The following SOX5 variants were observed in gnomAD, a reference collection of about 807,000 sequenced individuals.
SOX5 encodes the protein SRY-box transcription factor 5.
SOX5 carries 9 observed loss-of-function variants against 92.0 expected under a neutral mutation model. That is an observed-to-expected ratio of 0.10 (90% CI 0.06 to 0.17). The LOEUF is 0.17. Among genes scored for constraint, SOX5 ranks in the 10% least tolerant of loss-of-function variants. SOX5 has a pLI of 1.00. For missense variants in SOX5, 642 were observed against 944.5 expected, an observed-to-expected ratio of 0.68 and a Z score of 4.20; for synonymous variants, 344 against 336.3, an observed-to-expected ratio of 1.02 and a Z score of -0.25.
rs1171785944 is a variant in SOX5, at chr12:24,305,938, T to A, written c.-173-28626A>T. On this transcript the variant is annotated intron_variant, in intron 2 of 4. Coordinates refer to the SOX5 transcript ENST00000446891. The stretch of plus-strand genomic sequence containing the variant: ...AAGATCTCCACCTCAGAATCCACAC[T>A]TATTTTAAAAAGCAAATCAAGACCA... 2.0e-5 allele frequency among the ~76,000 whole-genome samples: 3 copies of A among 152,194 alleles called. No individual in the cohort carries two copies. In the East Asian group the frequency reaches 5.8e-4, roughly 29 times the overall value.
chr12:23,817,290 T>G (rs1315316369), intron 3 of SOX5, among the ~76,000 whole-genome samples: 1 of 152,224 alleles, frequency 6.6e-6, no homozygotes, highest in African/African-American at 2.4e-5. Flanking sequence ...TTTCCAAGCA[T>G]CTTTCTGCTG....
intron 4 of SOX5, among the ~76,000 whole-genome samples, chr12:24,094,523 C>A (rs1945092098): frequency 6.7e-6 from 1 of 148,748 alleles, no homozygotes; most frequent in Non-Finnish European, 1.5e-5. Context: ...TTACAAAATG[C>A]CAGATTTACT....
chr12:23,654,444 T>C (rs1332552195), intron 7 of SOX5, among the ~76,000 whole-genome samples: 1 of 152,106 alleles, frequency 6.6e-6, no homozygotes, highest in African/African-American at 2.4e-5. Context: ...TTGGTCATTG[T>C]ATCCACTAGA....
At chr12:23,999,683 C>A (rs1951409170) in intron 4 of SOX5, among the ~76,000 whole-genome samples, 1 of 151,788 alleles carries the variant, frequency 6.6e-6, no homozygotes, top group Non-Finnish European at 1.5e-5. Context: ...TTAAAAAAGA[C>A]AATTACATAA....
intron 4 of SOX5, among the ~76,000 whole-genome samples, chr12:24,018,319 T>C (rs1199255790): frequency 6.6e-6 from 1 of 152,208 alleles, no homozygotes; most frequent in Non-Finnish European, 1.5e-5. Flanking sequence ...TTTCTACGTA[T>C]TTATCCATAA....
Position 24,120,056 on chromosome 12 carries a change from T to G in SOX5, c.-2+93287A>C, listed in dbSNP as rs1349954958. On this transcript the variant is annotated intron_variant, in intron 4 of 4. Coordinates refer to the SOX5 transcript ENST00000446891. ...CATTTTAAGAATAAACCACTATTTA[T>G]GCATTCTGTATTTGTTGGGCATTTG... Among the ~76,000 whole-genome samples the G allele has an allele frequency of 7.9e-5, 12 of 152,354 alleles. No individual in the cohort carries two copies. The East Asian group carries it at 2.3e-3, about 29-fold the overall frequency.
At chr12:23,784,802 C>T (rs1017320950) in intron 3 of SOX5, among the ~76,000 whole-genome samples, 2 of 152,166 alleles carry the variant, frequency 1.3e-5, no homozygotes, top group East Asian at 1.9e-4. Context: ...ATTGGCCACA[C>T]GCAGTGGCTC....
At chr12:23,830,599 C>T (rs993925529) in intron 3 of SOX5, among the ~76,000 whole-genome samples, 42 of 152,110 alleles carry the variant, frequency 2.8e-4, no homozygotes, top group African/African-American at 1.0e-3. Context: ...TATCTTTAGG[C>T]TTTTCCCCTG....
chr12:24,147,976 T>C (rs1157313390), intron 4 of SOX5, among the ~76,000 whole-genome samples: 1 of 152,186 alleles, frequency 6.6e-6, no homozygotes, highest in Non-Finnish European at 1.5e-5. Flanking sequence ...TCTCTCCAAA[T>C]CATTCCATAG....
chr12:23,791,855 A>T (rs2095480533), intron 3 of SOX5, among the ~76,000 whole-genome samples: 1 of 151,948 alleles, frequency 6.6e-6, no homozygotes, highest in Non-Finnish European at 1.5e-5. Context: ...TACCTATTTC[A>T]AATAAAGTAT....
At chr12:23,759,942 T>C (rs894352558) in intron 3 of SOX5, among the ~76,000 whole-genome samples, 1 of 152,106 alleles carries the variant, frequency 6.6e-6, no homozygotes, top group Non-Finnish European at 1.5e-5. Flanking sequence ...CCTTTAATTT[T>C]TTTTAAATTT....
intron 4 of SOX5, among the ~76,000 whole-genome samples, chr12:24,137,107 A>T (rs1245599848): frequency 6.6e-6 from 1 of 152,194 alleles, no homozygotes; most frequent in Non-Finnish European, 1.5e-5. Flanking sequence ...CAGTTTCCAA[A>T]ATCCAGCTTC....
intron 1 of SOX5, among the ~76,000 whole-genome samples, chr12:23,901,137 T>G (rs892743307): frequency 6.6e-6 from 1 of 152,092 alleles, no homozygotes; most frequent in African/African-American, 2.4e-5. Context: ...AAAGAAATCA[T>G]AAACACCCTT....
chr12:23,893,617 T>C (rs950373893), intron 2 of SOX5, among the ~76,000 whole-genome samples: 1 of 152,318 alleles, frequency 6.6e-6, no homozygotes, highest in East Asian at 1.9e-4. Context: ...GTCATAATTA[T>C]CTACATTCAT....
chr12:23,841,885 A>G (rs762890675), intron 3 of SOX5, among the ~76,000 whole-genome samples: 1 of 152,122 alleles, frequency 6.6e-6, no homozygotes, highest in Non-Finnish European at 1.5e-5. Flanking sequence ...GCATTTGTCA[A>G]TGCATACTGC....
intron 1 of SOX5, among the ~76,000 whole-genome samples, chr12:23,896,891 G>A (rs1310804608): frequency 1.3e-5 from 2 of 151,990 alleles, no homozygotes; most frequent in African/African-American, 4.8e-5. Flanking sequence ...ATGAAAATGA[G>A]CTTAGATAAT....
intron 2 of SOX5, among the ~76,000 whole-genome samples, chr12:24,290,773 A>C (rs1436738167): frequency 6.6e-6 from 1 of 152,222 alleles, no homozygotes. Flanking sequence ...GAGTATGCAC[A>C]GGAAGTTCCT....
At chr12:23,813,029 T>G (rs1224984147) in intron 3 of SOX5, among the ~76,000 whole-genome samples, 1 of 152,178 alleles carries the variant, frequency 6.6e-6, no homozygotes, top group East Asian at 1.9e-4. Context: ...AATCACACAT[T>G]TTCAGAAAAT....
intron 9 of SOX5, among the ~76,000 whole-genome samples, chr12:23,577,193 T>TATATATATATATA (rs1391132741): frequency 1.9e-5 from 1 of 53,670 alleles, no homozygotes; most frequent in African/African-American, 6.6e-5. Context: ...ATATATATAT[T>TATATATATATATA]TTTTTTTTTT....
Sources: allele counts gnomAD v4.1 joint callset (sites outside exome capture counted in the v4.1 genomes callset), GRCh38; gene constraint gnomAD v4.1.1; transcripts MANE v1.5; gene names NCBI Gene and HGNC (gene_info 2026-07-23, HGNC 2026-07-21).